TLK2: variants seen among roughly 807,000 people sequenced by gnomAD.
The protein encoded by TLK2 is serine/threonine-protein kinase tousled-like 2.
In TLK2, 6 loss-of-function variants were observed where a neutral mutation model predicts 117.3. The ratio of observed to expected loss-of-function variants is 0.05; its 90% CI spans 0.03 to 0.10. TLK2 has a LOEUF of 0.10. Ranked by LOEUF, TLK2 falls within the 10% of genes least tolerant of loss-of-function variation. The pLI is 1.00. For missense variants in TLK2, 299 were observed against 901.2 expected, an observed-to-expected ratio of 0.33 and a Z score of 8.56; for synonymous variants, 257 against 316.7, an observed-to-expected ratio of 0.81 and a Z score of 2.00.
chr17:62,524,044 G>C (rs2076218401), intron 5 of TLK2, among the ~76,000 whole-genome samples, 192 bp from the exon 6 acceptor site: 1 of 151,284 alleles, frequency 6.6e-6, no homozygotes, highest in Non-Finnish European at 1.5e-5. Flanking sequence ...ATTTCTGCTG[G>C]AGCTCCTTCT....
intron 16 of TLK2, among the ~76,000 whole-genome samples, chr17:62,590,277 CA>C (rs1191303036): frequency 1.3e-5 from 2 of 151,200 alleles, no homozygotes; most frequent in African/African-American, 4.9e-5. Flanking sequence ...ACTAAAAATA[CA>C]AAAAAAGTTA....
chr17:62,522,475 CT>C (rs1379068974), intron 4 of TLK2, among the ~76,000 whole-genome samples: 1 of 152,298 alleles, frequency 6.6e-6, no homozygotes, highest in Admixed American at 6.5e-5. Context: ...TTCGGGGACT[CT>C]TTTGTTTTCC....
rs190496216 is a variant in TLK2, at chr17:62,518,609, G to C, written c.82-2164G>C. 1.7e-3 allele frequency among the ~76,000 whole-genome samples: 264 copies of C among 152,286 alleles called. 1 individual carries two copies. The highest frequency in any genetic ancestry group is 6.0e-3 in the African/African-American group (248 of 41,574). On this transcript the variant is annotated intron_variant, in intron 2 of 21. Transcript: ENST00000346027. The stretch of plus-strand genomic sequence containing the variant: ...TAATCCCAGCTACGTGGGAGGCTGA[G>C]GCGGAAGAATTGCTTGAATCTGGGA...
At chr17:62,527,131 G>C (rs557622628) in intron 6 of TLK2, among the ~76,000 whole-genome samples, 12 of 152,182 alleles carry the variant, frequency 7.9e-5, no homozygotes, top group Non-Finnish European at 1.8e-4. Flanking sequence ...CCTCTTCCAG[G>C]AACATTCTTT....
intron 7 of TLK2, among the ~76,000 whole-genome samples, chr17:62,548,240 A>ATATGTGTG (rs368516607): frequency 4.5e-4 from 55 of 121,290 alleles, no homozygotes; most frequent in African/African-American, 1.1e-3. Context: ...ATATATATAT[A>ATATGTGTG]TGTGTGTGTG....
chr17:62,495,653 T>TTTTATA (rs1555600333), intron 2 of TLK2, among the ~76,000 whole-genome samples: 2 of 137,904 alleles, frequency 1.5e-5, no homozygotes, highest in African/African-American at 2.7e-5. Context: ...ATTTTAAAAA[T>TTTTATA]TATATATATA....
intron 10 of TLK2, among the ~76,000 whole-genome samples, chr17:62,564,675 T>G (rs1225429549): frequency 6.6e-6 from 1 of 151,132 alleles, no homozygotes; most frequent in Non-Finnish European, 1.5e-5. Flanking sequence ...GACTCTGCAC[T>G]CCAGTCTGGG....
chr17:62,590,793 C>A (rs1179513704), intron 16 of TLK2, among the ~76,000 whole-genome samples: 2 of 152,204 alleles, frequency 1.3e-5, no homozygotes, highest in Non-Finnish European at 2.9e-5. Context: ...GGTATTAAAT[C>A]TCTTTACTGT....
intron 10 of TLK2, among the ~76,000 whole-genome samples, chr17:62,561,428 GCTTGAACTTCTGAC>G (rs1247482737): frequency 2.0e-5 from 3 of 152,220 alleles, no homozygotes; most frequent in Non-Finnish European, 4.4e-5. Context: ...GCCAGGCTGG[GCTTGAACTTCTGAC>G]CTCAAGTGAT....
chr17:62,529,657 C>G (rs2076606836), intron 6 of TLK2, among the ~76,000 whole-genome samples: 1 of 152,114 alleles, frequency 6.6e-6, no homozygotes, highest in African/African-American at 2.4e-5. Context: ...GGGCAAATAC[C>G]ATATAATTAG....
chr17:62,580,366 C>T (rs2081118878), intron 15 of TLK2, among the ~76,000 whole-genome samples, 174 bp downstream of exon 15: 1 of 151,942 alleles, frequency 6.6e-6, no homozygotes. Context: ...AGTGACCAAG[C>T]AGAATACAGT....
chr17:62,613,102 A>C lies in TLK2; in HGVS notation c.*537A>C, dbSNP rs1262618753. 6.6e-6 allele frequency: 1 copy of C among 152,666 alleles called. No homozygotes were observed. Among genetic ancestry groups the C allele is most frequent in the Non-Finnish European group, 1.5e-5 (1 of 68,060 alleles). The allele number at this position is 152,666 out of a possible 1,614,324, so 9.5% of individuals were successfully genotyped here. ...TGCTATTGCCCGTTAAAGGCACTAG[A>C]GTTAGTGTTTTATCCCTAAATAATT... On this transcript the variant is annotated 3_prime_UTR_variant, in exon 22 of 22. Coordinates refer to ENST00000346027, the MANE Select transcript of TLK2 (RefSeq NM_006852.6).
rs938269058 is a variant in TLK2, at chr17:62,519,535, C to T, written c.82-1238C>T. On this transcript the variant is annotated intron_variant, in intron 2 of 21. Coordinates refer to ENST00000346027, the MANE Select transcript of TLK2 (RefSeq NM_006852.6). Reference sequence around the variant, plus strand: ...TTTCTACAAAGAAGTCAGCTGGGGCCGGGTGCGGTGGCTCACGTCTTTAAT... The same window carrying T: ...TTTCTACAAAGAAGTCAGCTGGGGCTGGGTGCGGTGGCTCACGTCTTTAAT... Among the ~76,000 whole-genome samples the T allele has an allele frequency of 7.9e-5, 12 of 152,114 alleles. 1 individual carries two copies. Among genetic ancestry groups the T allele is most frequent in the Non-Finnish European group, 8.8e-5 (6 of 67,994 alleles).
At chr17:62,578,300 AT>A (rs1567958823) in intron 13 of TLK2, among the ~76,000 whole-genome samples, 176 bp from the exon 14 acceptor site, 1 of 152,090 alleles carries the variant, frequency 6.6e-6, no homozygotes, top group African/African-American at 2.4e-5. Flanking sequence ...TATGGTTTGA[AT>A]TTTATTATTT....
intron 11 of TLK2, among the ~76,000 whole-genome samples, chr17:62,570,588 T>C (rs1344404278): frequency 2.0e-5 from 3 of 152,204 alleles, no homozygotes; most frequent in Non-Finnish European, 4.4e-5. Context: ...CTTTTCTTCT[T>C]CAATAGCTAA....
intron 2 of TLK2, chr17:62,516,766 A>T: frequency 6.5e-7 from 1 of 1,540,818 alleles, no homozygotes; most frequent in Non-Finnish European, 8.9e-7. Flanking sequence ...AGGCATCAAC[A>T]TCTCTGCAGC....
chr17:62,564,308 C>T (rs1020282895), intron 10 of TLK2, among the ~76,000 whole-genome samples: 6 of 152,002 alleles, frequency 3.9e-5, no homozygotes, highest in Non-Finnish European at 7.4e-5. Context: ...GAGGCCAAGG[C>T]GGGCAAATCA....
Position 62,586,160 on chromosome 17 carries a change from A to T in TLK2, c.1394A>T (p.Tyr465Phe). The T allele has an allele frequency of 6.2e-7, 1 of 1,613,768 alleles. No individual in the cohort carries two copies. The highest frequency in any genetic ancestry group is 1.7e-5 in the Admixed American group (1 of 59,980). Reference protein sequence around the residue: ...YKAFDLTEQRYVAVKIHQLNK... With the variant: ...YKAFDLTEQRFVAVKIHQLNK... ...GCATTTGATCTAACAGAGCAAAGAT[A>T]CGTAGCTGTGAAAATTCACCAGTTA... The change falls in exon 16 of 22, where the codon TAC (tyrosine) becomes TTC (phenylalanine). Residue 465 changes from tyrosine to phenylalanine, a missense_variant. Around this residue, in one of 4 missense-constraint regions of TLK2, gnomAD observed 81 missense variants for 370.9 expected, o/e 0.22. Transcript: ENST00000346027.
chr17:62,498,280 A>C (rs190220997), intron 2 of TLK2, among the ~76,000 whole-genome samples: 216 of 152,326 alleles, frequency 1.4e-3, no homozygotes, highest in African/African-American at 5.0e-3. Context: ...AAAAGTTATA[A>C]TTCCTAGTTT....
Sources: gnomAD v4.1 joint callset for allele counts (sites outside exome capture counted in the v4.1 genomes callset) on GRCh38, gnomAD v4.1.1 for gene constraint, gnomAD v4.1.1 regional missense constraint, MANE v1.5 for transcripts, NCBI Gene and HGNC (gene_info 2026-07-23, HGNC 2026-07-21) for gene names.